The following UBN2 variants were observed in gnomAD, a reference collection of about 807,000 sequenced individuals.
The protein encoded by UBN2 is ubinuclein-2.
In UBN2, 35 loss-of-function variants were observed where a neutral mutation model predicts 120.2. The ratio of observed to expected loss-of-function variants is 0.29; its 90% CI spans 0.22 to 0.39. The LOEUF is 0.39. Among genes scored for constraint, UBN2 ranks in the 10% least tolerant of loss-of-function variants. The pLI is 1.00. For synonymous variants in UBN2, 661 were observed against 648.7 expected (o/e 1.02, Z -0.29); for missense variants, 1,693 against 1,663.2 (o/e 1.02, Z -0.31).
chr7:139,274,490 C>T (rs1330741023), intron 11 of UBN2, among the ~76,000 whole-genome samples: 2 of 152,160 alleles, frequency 1.3e-5, no homozygotes, highest in African/African-American at 4.8e-5. Context: ...AGGCCAGGCA[C>T]AGTGGCTTAT....
intron 8 of UBN2, among the ~76,000 whole-genome samples, chr7:139,271,010 G>A (rs190860058): frequency 6.6e-6 from 1 of 151,956 alleles, no homozygotes; most frequent in East Asian, 2.0e-4. Flanking sequence ...TCGAACTCCC[G>A]ACCTCAGGTG....
At chr7:139,321,015 G>A in the UBN2 span, among the ~76,000 whole-genome samples, 1 of 152,188 alleles carries the variant, frequency 6.6e-6, no homozygotes. Flanking sequence ...AGTGCATCAG[G>A]TATCCTGGCG....
In UBN2 at chr7:139,305,009, A is replaced by G. The variant is rs1798335532; in HGVS notation, c.*7173A>G. 6.6e-6 allele frequency: 1 copy of G among 152,182 alleles called. No homozygotes were observed. Among genetic ancestry groups the G allele is most frequent in the Non-Finnish European group, 1.5e-5 (1 of 68,030 alleles). 9.4% of individuals were successfully genotyped at this position (152,182 alleles called of 1,614,324 possible). A position where few individuals can be genotyped will look rare whatever the true frequency, so the allele number is the denominator to read the frequency against. On this transcript the variant is annotated 3_prime_UTR_variant, in exon 18 of 18. Transcript: ENST00000473989. ...TCGTAAAATGTGAACTCTGTATTCAAAAACTATCTACAGATGCTTTCACTG... is the reference window on the plus strand; with the variant it reads ...TCGTAAAATGTGAACTCTGTATTCAGAAACTATCTACAGATGCTTTCACTG...
At chr7:139,296,869 C>G (rs1798123047) in intron 17 of UBN2, among the ~76,000 whole-genome samples, 1 of 152,012 alleles carries the variant, frequency 6.6e-6, no homozygotes. Flanking sequence ...CCAGTGTACT[C>G]CAGCCTGGAA....
chr7:139,299,726 A>AATTC lies in UBN2; in HGVS notation c.*1892_*1895dup, dbSNP rs2131081029. Reference sequence around the variant, plus strand: ...GGATGTTGCAGAGAGGTTTGACTTGAATTCAGTATGTTTGATGAAGATTTG... The same window carrying AATTC: ...GGATGTTGCAGAGAGGTTTGACTTGAATTCATTCAGTATGTTTGATGAAGATTTG... On this transcript the variant is annotated 3_prime_UTR_variant, in exon 18 of 18. Transcript: ENST00000473989. The AATTC allele has an allele frequency of 6.6e-6, 1 of 152,284 alleles. No individual in the cohort carries two copies. Among genetic ancestry groups the AATTC allele is most frequent in the South Asian group, 2.1e-4 (1 of 4,832 alleles). 9.4% of individuals were successfully genotyped at this position (152,284 alleles called of 1,614,324 possible).
chr7:139,313,603 T>C, the UBN2 span, among the ~76,000 whole-genome samples: 1 of 152,182 alleles, frequency 6.6e-6, no homozygotes, highest in Admixed American at 6.5e-5. Context: ...TTTAATACTA[T>C]GCTAAACAGT....
At chr7:139,309,336 A>G (rs114067954), downstream of UBN2, among the ~76,000 whole-genome samples, 1,408 of 152,318 alleles carry the variant, frequency 9.2e-3, 24 homozygotes, top group African/African-American at 0.032. Flanking sequence ...GTTAAAAAAG[A>G]CATGGACCTC....
intron 1 of UBN2, 148 bp from the exon 2 acceptor site, chr7:139,236,857 T>C: frequency 2.7e-6 from 1 of 364,684 alleles, no homozygotes; most frequent in South Asian, 4.6e-5. Flanking sequence ...TAACATGTTA[T>C]ATATTCTCAC....
intron 2 of UBN2, among the ~76,000 whole-genome samples, chr7:139,241,251 G>A (rs1367673130): frequency 1.3e-5 from 2 of 152,110 alleles, no homozygotes; most frequent in Admixed American, 6.5e-5. Flanking sequence ...TACCCCAGCC[G>A]TTCTGAAAGA....
chr7:139,299,553 T>C lies in UBN2; in HGVS notation c.*1717T>C, dbSNP rs1446758439. On this transcript the variant is annotated 3_prime_UTR_variant, in exon 18 of 18. Coordinates refer to ENST00000473989, the MANE Select transcript of UBN2 (RefSeq NM_173569.4). Reference sequence around the variant, plus strand: ...AAAGTTAATAAATAACTGAAAACTTTAGTTCCAAGAACTTGTTACAGTAAA... The same window carrying C: ...AAAGTTAATAAATAACTGAAAACTTCAGTTCCAAGAACTTGTTACAGTAAA... 2 of 152,172 alleles carry C rather than the reference T, an allele frequency of 1.3e-5. No individual in the cohort carries two copies. The highest frequency in any genetic ancestry group is 2.4e-5 in the African/African-American group (1 of 41,446). The allele number at this position is 152,172 out of a possible 1,614,324, so 9.4% of individuals were successfully genotyped here. A position where few individuals can be genotyped will look rare whatever the true frequency, so the allele number is the denominator to read the frequency against.
chr7:139,269,242 A>T, intron 7 of UBN2, 152 bp from the exon 8 acceptor site: 1 of 717,248 alleles, frequency 1.4e-6, no homozygotes, highest in Non-Finnish European at 2.1e-6. Flanking sequence ...GTTTATTGCT[A>T]TGGGTTTTTT....
At chr7:139,311,914 T>A (rs187013198), downstream of UBN2, among the ~76,000 whole-genome samples, 7 of 152,334 alleles carry the variant, frequency 4.6e-5, no homozygotes, top group East Asian at 1.3e-3. Context: ...AAGATCCAGC[T>A]CTGTCTCCAC....
rs1335035044 is a variant in UBN2, at chr7:139,300,288, C to G, written c.*2452C>G. 6.6e-6 allele frequency: 1 copy of G among 152,040 alleles called. No individual in the cohort carries two copies. The allele number at this position is 152,040 out of a possible 1,614,324, so 9.4% of individuals were successfully genotyped here. A position where few individuals can be genotyped will look rare whatever the true frequency, so the allele number is the denominator to read the frequency against. On this transcript the variant is annotated 3_prime_UTR_variant, in exon 18 of 18. Coordinates refer to ENST00000473989, the MANE Select transcript of UBN2 (RefSeq NM_173569.4). The stretch of plus-strand genomic sequence containing the variant: ...CCCACCTGCACTGACGACTTACATT[C>G]ATTTCAGTCAGGACCCCCCTTTTAT...
intron 1 of UBN2, among the ~76,000 whole-genome samples, chr7:139,235,438 A>G (rs926124982): frequency 4.6e-5 from 7 of 152,004 alleles, no homozygotes; most frequent in Non-Finnish European, 1.5e-5. Context: ...CTCTGTCTCA[A>G]CCAGGTTGGA....
chr7:139,256,032 G>T (rs1796755288), intron 3 of UBN2, among the ~76,000 whole-genome samples: 1 of 152,168 alleles, frequency 6.6e-6, no homozygotes, highest in Admixed American at 6.5e-5. Context: ...CTAGTCATAG[G>T]CAAAGAATCT....
chr7:139,267,930 C>T (rs1585009015), intron 7 of UBN2, among the ~76,000 whole-genome samples: 3 of 152,232 alleles, frequency 2.0e-5, no homozygotes, highest in Admixed American at 2.0e-4. Flanking sequence ...GTGAACAGTG[C>T]AGCCATTACT....
chr7:139,266,948 A>C (rs1241712712), intron 7 of UBN2, among the ~76,000 whole-genome samples: 1 of 152,194 alleles, frequency 6.6e-6, no homozygotes, highest in Non-Finnish European at 1.5e-5. Context: ...GTAGATATAT[A>C]ATATAGATTG....
the UBN2 span, among the ~76,000 whole-genome samples, chr7:139,329,055 G>A: frequency 6.6e-6 from 1 of 151,778 alleles, no homozygotes; most frequent in Non-Finnish European, 1.5e-5. Flanking sequence ...AGACCAACCT[G>A]GGAAACATAG....
At chr7:139,239,817 A>C (rs1796266524) in intron 2 of UBN2, among the ~76,000 whole-genome samples, 1 of 152,178 alleles carries the variant, frequency 6.6e-6, no homozygotes, top group Non-Finnish European at 1.5e-5. Flanking sequence ...TGGCCTCCCA[A>C]AATGTTGGGA....
Sources: allele counts gnomAD v4.1 joint callset (sites outside exome capture counted in the v4.1 genomes callset), GRCh38; gene constraint gnomAD v4.1.1; transcripts MANE v1.5; gene names NCBI Gene and HGNC (gene_info 2026-07-23, HGNC 2026-07-21).